GNS: variants seen among roughly 807,000 people sequenced by gnomAD.
The protein encoded by GNS is glucosamine (N-acetyl)-6-sulfatase, also known as N-acetylglucosamine-6-sulfatase.
GNS carries 40 observed loss-of-function variants against 69.7 expected under a neutral mutation model. That is an observed-to-expected ratio of 0.57 (90% CI 0.45 to 0.75). The LOEUF (loss-of-function observed/expected upper bound fraction) is 0.75, where lower values mean the gene tolerates loss of function less well. Ranked by LOEUF, GNS falls within the 30% of genes least tolerant of loss-of-function variation. The pLI, the probability that GNS is intolerant of heterozygous loss-of-function variation, is 0.00. For missense variants in GNS, 565 were observed against 685.5 expected, an observed-to-expected ratio of 0.82 and a Z score of 1.96; for synonymous variants, 243 against 251.6, an observed-to-expected ratio of 0.97 and a Z score of 0.32.
intron 9 of GNS, among the ~76,000 whole-genome samples, chr12:64,734,142 C>T (rs1190575708): frequency 6.6e-6 from 1 of 152,242 alleles, no homozygotes; most frequent in Non-Finnish European, 1.5e-5. Flanking sequence ...TGGGGCATTT[C>T]ATGCTTCTCA....
intron 11 of GNS, 116 bp downstream of exon 11, chr12:64,722,890 C>G (rs1869076730): frequency 1.4e-6 from 1 of 737,106 alleles, no homozygotes; most frequent in Admixed American, 1.9e-5. Flanking sequence ...CACTCACAGT[C>G]AGTGACAAAG....
At chr12:64,753,105 A>G (rs1213023487) in intron 1 of GNS, 2 of 298,628 alleles carry the variant, frequency 6.7e-6, no homozygotes, top group Admixed American at 4.7e-5. Context: ...AATGATATAA[A>G]GGGAGCCTTC....
At chr12:64,723,639 T>C (rs1869103333) in intron 10 of GNS, among the ~76,000 whole-genome samples, 1 of 152,218 alleles carries the variant, frequency 6.6e-6, no homozygotes, top group African/African-American at 2.4e-5. Flanking sequence ...TCAATGTACA[T>C]TCATGGTGTG....
rs1374637564 is a variant in GNS, at chr12:64,756,856, A to AT, written c.192+2228dup. On this transcript the variant is annotated intron_variant, in intron 1 of 13. Coordinates refer to ENST00000258145, the MANE Select transcript of GNS (RefSeq NM_002076.4). ...GTACCTCTCTCCAGTAGAAACACTT[A>AT]TTAAAAAAAAGAATCTGGGCCGAGA... The AT allele has an allele frequency of 1.2e-5, 8 of 651,682 alleles. No individual in the cohort carries two copies. In the East Asian group the frequency reaches 1.7e-4, roughly 14 times the overall value. The allele number at this position is 651,682 out of a possible 1,614,324, so 40.4% of individuals were successfully genotyped here. A position where few individuals can be genotyped will look rare whatever the true frequency, so the allele number is the denominator to read the frequency against.
At position 64,746,194 on chromosome 12, in the gene GNS, G is replaced by A. The variant is rs1302714079; in HGVS notation, c.460-470C>T. ...GCAAGGCCTGAAATGTTTACTATCT[G>A]ACCCACTACAGAAAAAGTCCACACA... On this transcript the variant is annotated intron_variant, in intron 3 of 13. Transcript: ENST00000258145. The A allele has an allele frequency of 9.8e-5, 20 of 204,466 alleles. No individual in the cohort carries two copies. The Admixed American group carries it at 1.1e-3, about 11-fold the overall frequency. 12.7% of individuals were successfully genotyped at this position (204,466 alleles called of 1,614,324 possible). A position where few individuals can be genotyped will look rare whatever the true frequency, so the allele number is the denominator to read the frequency against.
rs2136236609 is a variant in GNS, at chr12:64,720,129, A to T, written c.1473T>A (p.Ile491=). 6.2e-7 allele frequency: 1 copy of T among 1,605,404 alleles called. No individual in the cohort carries two copies. The change falls in exon 13 of 14, where the codon ATT becomes ATA. Residue 491 remains isoleucine (I), a synonymous_variant. Coordinates refer to ENST00000258145, the MANE Select transcript of GNS (RefSeq NM_002076.4). ...LTADPDQITN[I]AKTIDPELLG... is the part of the protein sequence containing the mutation. ...AAAGCTCTGGGTCTATGGTTTTAGC[A>T]ATGTTAGTGATCTGGTCTGGGTCTG...
chr12:64,730,569 G>C (rs1054004498), intron 9 of GNS, among the ~76,000 whole-genome samples: 1 of 151,956 alleles, frequency 6.6e-6, no homozygotes, highest in African/African-American at 2.4e-5. Flanking sequence ...GCAGCTGTCA[G>C]GTATTACTGC....
intron 8 of GNS, among the ~76,000 whole-genome samples, chr12:64,738,384 A>T (rs1174433489): frequency 6.6e-6 from 1 of 152,200 alleles, no homozygotes; most frequent in Non-Finnish European, 1.5e-5. Context: ...TGTGTATGGG[A>T]GTTGCTTCAA....
intron 3 of GNS, among the ~76,000 whole-genome samples, chr12:64,747,328 G>C (rs1869925736): frequency 6.6e-6 from 1 of 152,162 alleles, no homozygotes; most frequent in Non-Finnish European, 1.5e-5. Context: ...AATATCTTCA[G>C]TTAGATACTG....
chr12:64,727,723 A>T (rs2136239948), intron 10 of GNS, among the ~76,000 whole-genome samples: 1 of 152,266 alleles, frequency 6.6e-6, no homozygotes, highest in Admixed American at 6.5e-5. Flanking sequence ...TCATGGTGGG[A>T]ATGGGAGCAA....
intron 2 of GNS, among the ~76,000 whole-genome samples, chr12:64,751,984 A>C (rs1870094871): frequency 6.6e-6 from 1 of 151,906 alleles, no homozygotes; most frequent in African/African-American, 2.4e-5. Flanking sequence ...GAAAGAAAAG[A>C]AAAAATAAGT....
chr12:64,746,845 T>C (rs1402323006), intron 3 of GNS, among the ~76,000 whole-genome samples: 3 of 152,194 alleles, frequency 2.0e-5, no homozygotes, highest in African/African-American at 7.2e-5. Context: ...AACTGACTCA[T>C]CTTCCTGTAA....
chr12:64,744,732 A>C, intron 5 of GNS, 77 bp downstream of exon 5: 1 of 787,954 alleles, frequency 1.3e-6, no homozygotes, highest in Non-Finnish European at 2.3e-6. Context: ...ATAAGATTAT[A>C]GGTTTTCTAG....
intron 13 of GNS, among the ~76,000 whole-genome samples, chr12:64,717,481 A>T (rs974471900): frequency 6.6e-6 from 1 of 150,508 alleles, no homozygotes; most frequent in African/African-American, 2.4e-5. Flanking sequence ...CCTCCAGAGT[A>T]GCTGGGAACA....
chr12:64,722,427 T>C (rs1407483026), intron 11 of GNS, among the ~76,000 whole-genome samples: 1 of 152,254 alleles, frequency 6.6e-6, no homozygotes, highest in Non-Finnish European at 1.5e-5. Context: ...TTATGAGTGT[T>C]CTTATCACCA....
intron 6 of GNS, 131 bp downstream of exon 6, chr12:64,743,010 A>G: frequency 1.3e-6 from 1 of 786,352 alleles, no homozygotes. Context: ...TGGTTGTACT[A>G]GGGACAGATG....
intron 2 of GNS, among the ~76,000 whole-genome samples, chr12:64,750,276 G>A (rs1015224064): frequency 2.6e-5 from 4 of 152,088 alleles, no homozygotes; most frequent in African/African-American, 9.7e-5. Context: ...TCGAACTCCT[G>A]ACCTCAGGTG....
chr12:64,743,350 A>T (rs762579577), intron 5 of GNS, 42 bp from the exon 6 acceptor site: 1 of 1,401,578 alleles, frequency 7.1e-7, no homozygotes, highest in Admixed American at 1.7e-5. Context: ...CTTACCCAAC[A>T]GATGAGTATT....
chr12:64,752,993 T>C lies in GNS; in HGVS notation c.193-236A>G, dbSNP rs1270726192. On this transcript the variant is annotated intron_variant, in intron 1 of 13. Coordinates refer to ENST00000258145, the MANE Select transcript of GNS (RefSeq NM_002076.4). The stretch of plus-strand genomic sequence containing the variant: ...TTGCAGGAAGGGAAAGTTCAGTTGA[T>C]GGCAATAACATCTTTGTGCCCTTAT... 7 of 567,548 alleles carry C rather than the reference T, an allele frequency of 1.2e-5. No homozygotes were observed. The East Asian group carries it at 1.5e-4, about 12-fold the overall frequency. The allele number at this position is 567,548 out of a possible 1,614,324, so 35.2% of individuals were successfully genotyped here.
Sources: allele counts gnomAD v4.1 joint callset (sites outside exome capture counted in the v4.1 genomes callset), GRCh38; gene constraint gnomAD v4.1.1; transcripts MANE v1.5; gene names NCBI Gene and HGNC (gene_info 2026-07-23, HGNC 2026-07-21).